NCOA2: variants seen among roughly 807,000 people sequenced by gnomAD.
The protein encoded by NCOA2 is class E basic helix-loop-helix protein 75.
NCOA2 carries 21 observed loss-of-function variants against 145.1 expected under a neutral mutation model. The ratio of observed to expected loss-of-function variants is 0.14; its 90% confidence interval spans 0.10 to 0.21. The LOEUF is 0.21. Ranked by LOEUF, NCOA2 falls within the 10% of genes least tolerant of loss-of-function variation. The pLI is 1.00. For missense variants in NCOA2, 1,472 were observed against 1,837.6 expected (o/e 0.80, Z 3.64); for synonymous variants, 619 against 637.5 (o/e 0.97, Z 0.44).
At chr8:70,378,417 G>T (rs1811874894) in intron 1 of NCOA2, among the ~76,000 whole-genome samples, 1 of 152,108 alleles carries the variant, frequency 6.6e-6, no homozygotes, top group African/African-American at 2.4e-5. Flanking sequence ...GAAATGGGAA[G>T]GAACACCTAA....
intron 1 of NCOA2, among the ~76,000 whole-genome samples, chr8:70,400,510 A>G (rs529546036): frequency 4.6e-5 from 7 of 152,206 alleles, no homozygotes; most frequent in Non-Finnish European, 8.8e-5. Flanking sequence ...TCAGCATACA[A>G]AAGAGAGAAG....
In NCOA2 at chr8:70,111,298, T is replaced by C; in HGVS notation, c.*2334A>G. 4.4e-6 allele frequency: 1 copy of C among 226,214 alleles called. No homozygotes were observed. The highest frequency in any genetic ancestry group is 6.4e-5 in the East Asian group (1 of 15,634). The allele number at this position is 226,214 out of a possible 1,614,324, so 14.0% of individuals were successfully genotyped here. A position where few individuals can be genotyped will look rare whatever the true frequency, so the allele number is the denominator to read the frequency against. ...GACGGTGTTGTAGTGAAAAGGGACT[T>C]GAAACTCAAAACAAAACAAATCCAG... is the stretch of plus-strand genomic sequence containing the variant. On this transcript the variant is annotated 3_prime_UTR_variant, in exon 23 of 23. Transcript: ENST00000452400.
At chr8:70,310,368 AT>A (rs1237399544) in intron 1 of NCOA2, among the ~76,000 whole-genome samples, 7 of 149,174 alleles carry the variant, frequency 4.7e-5, no homozygotes, top group East Asian at 2.0e-4. Context: ...AAAAAAAAAA[AT>A]CTCATAGAGT....
At chr8:70,451,235 A>ATATATAT in the NCOA2 span, among the ~76,000 whole-genome samples, 42 of 98,612 alleles carry the variant, frequency 4.3e-4, no homozygotes, top group East Asian at 3.9e-3. Context: ...AAAAAAAAAA[A>ATATATAT]AAATATATAT....
intron 2 of NCOA2, among the ~76,000 whole-genome samples, chr8:70,217,404 C>T (rs549757634): frequency 6.6e-6 from 1 of 152,146 alleles, no homozygotes; most frequent in East Asian, 1.9e-4. Context: ...GCTCCTCCAT[C>T]GGTGCCCTCT....
At chr8:70,417,245 TAA>T in the NCOA2 span, among the ~76,000 whole-genome samples, 207 of 77,984 alleles carry the variant, frequency 2.7e-3, 2 homozygotes, top group African/African-American at 0.011. Flanking sequence ...TCGTCTCTAT[TAA>T]AAAAAAAAAA....
chr8:70,392,722 C>G (rs1418679990), intron 1 of NCOA2, among the ~76,000 whole-genome samples: 1 of 152,076 alleles, frequency 6.6e-6, no homozygotes, highest in East Asian at 1.9e-4. Flanking sequence ...TTTTCTTTAC[C>G]TTTTCCTCCT....
At chr8:70,193,846 G>C (rs932891473) in intron 4 of NCOA2, among the ~76,000 whole-genome samples, 2 of 152,150 alleles carry the variant, frequency 1.3e-5, no homozygotes, top group Admixed American at 1.3e-4. Context: ...TCCCCAAAAC[G>C]ACCTCAGAGT....
intron 2 of NCOA2, among the ~76,000 whole-genome samples, chr8:70,280,858 C>T (rs955375833): frequency 5.9e-5 from 9 of 151,924 alleles, no homozygotes; most frequent in African/African-American, 2.2e-4. Flanking sequence ...AATGACTTTG[C>T]ATAACATCGT....
rs1467011865 is a variant in NCOA2, at chr8:70,349,353, CATT to C, written c.-76-52556_-76-52554del. On this transcript the variant is annotated intron_variant, in intron 1 of 22. Transcript: ENST00000452400. ...ATGGGTAATATTCTAGAGAAACAGA[CATT>C]ATCAAATTTACATATGGGTAATATT... Among the ~76,000 whole-genome samples, 5 of 152,126 alleles carry C rather than the reference CATT, an allele frequency of 3.3e-5. No individual in the cohort carries two copies. In the East Asian group the frequency reaches 7.7e-4, roughly 23 times the overall value.
At chr8:70,196,489 AG>A (rs1292190143) in intron 4 of NCOA2, among the ~76,000 whole-genome samples, 1 of 152,384 alleles carries the variant, frequency 6.6e-6, no homozygotes, top group East Asian at 1.9e-4. Context: ...CAGAACATAC[AG>A]GACCCTGGAT....
chr8:70,362,097 G>C (rs542330058), intron 1 of NCOA2, among the ~76,000 whole-genome samples: 1 of 152,126 alleles, frequency 6.6e-6, no homozygotes, highest in Non-Finnish European at 1.5e-5. Context: ...TGGTGTGACA[G>C]GATTGATTTT....
chr8:70,302,346 CAGA>C (rs1489152042), intron 1 of NCOA2, among the ~76,000 whole-genome samples: 2 of 152,070 alleles, frequency 1.3e-5, no homozygotes, highest in East Asian at 1.9e-4. Context: ...ATCTAGACCT[CAGA>C]AGAATAATTT....
chr8:70,116,871 T>C (rs958045719), intron 22 of NCOA2, among the ~76,000 whole-genome samples: 13 of 152,122 alleles, frequency 8.5e-5, no homozygotes, highest in Non-Finnish European at 1.8e-4. Flanking sequence ...CTGAGCAAGA[T>C]GGTAACAGAG....
At chr8:70,121,617 C>A (rs1013751745) in intron 21 of NCOA2, among the ~76,000 whole-genome samples, 1 of 152,174 alleles carries the variant, frequency 6.6e-6, no homozygotes, top group East Asian at 1.9e-4. Context: ...TCAAAATTAA[C>A]CTTTATCTGC....
intron 9 of NCOA2, 25 bp from the exon 10 acceptor site, chr8:70,159,677 G>C: frequency 1.3e-6 from 2 of 1,589,764 alleles, no homozygotes; most frequent in Non-Finnish European, 1.7e-6. Context: ...GGAAACAGAA[G>C]GCACGTTTAG....
intron 2 of NCOA2, among the ~76,000 whole-genome samples, chr8:70,238,155 C>G (rs574582119): frequency 6.6e-6 from 1 of 151,998 alleles, no homozygotes; most frequent in East Asian, 1.9e-4. Flanking sequence ...TGCACACGCG[C>G]GCGCGCGCGT....
chr8:70,341,649 C>A (rs969794255), intron 1 of NCOA2, among the ~76,000 whole-genome samples: 4 of 152,152 alleles, frequency 2.6e-5, no homozygotes, highest in African/African-American at 9.7e-5. Context: ...ACAAAGGTAA[C>A]AAATATTACT....
chr8:70,396,874 T>C (rs1813720020), intron 1 of NCOA2, among the ~76,000 whole-genome samples: 1 of 152,196 alleles, frequency 6.6e-6, no homozygotes, highest in Non-Finnish European at 1.5e-5. Flanking sequence ...AAGAAAGACT[T>C]TTTCAGATTC....
Sources: allele counts gnomAD v4.1 joint callset (sites outside exome capture counted in the v4.1 genomes callset), GRCh38; gene constraint gnomAD v4.1.1; transcripts MANE v1.5; gene names NCBI Gene and HGNC (gene_info 2026-07-23, HGNC 2026-07-21).